The following ANXA3 variants were observed in gnomAD, a reference collection of about 807,000 sequenced individuals.
ANXA3 encodes 35-alpha calcimedin.
A neutral mutation model predicts 48.8 loss-of-function variants in ANXA3; 46 were observed. That is an observed-to-expected ratio of 0.94 (90% CI 0.74 to 1.21). The LOEUF (loss-of-function observed/expected upper bound fraction) is 1.21, where lower values mean the gene tolerates loss of function less well. ANXA3 is among the 50% of genes most tolerant of loss of function. ANXA3 has a pLI of 0.00. For synonymous variants in ANXA3, 128 were observed against 134.7 expected, an observed-to-expected ratio of 0.95 and a Z score of 0.35; for missense variants, 383 against 378.6, an observed-to-expected ratio of 1.01 and a Z score of -0.10.
intron 4 of ANXA3, among the ~76,000 whole-genome samples, chr4:78,580,468 G>C (rs781112963): frequency 2.0e-5 from 3 of 152,196 alleles, no homozygotes; most frequent in Non-Finnish European, 4.4e-5. Context: ...TCTTGGTAGG[G>C]TTTAGATTTT....
chr4:78,598,805 G>T (rs1378918549), intron 10 of ANXA3, among the ~76,000 whole-genome samples: 1 of 152,034 alleles, frequency 6.6e-6, no homozygotes. Flanking sequence ...CTCCCAAAGT[G>T]CTGGGATTAC....
At chr4:78,563,597 A>G (rs1248865399) in intron 2 of ANXA3, among the ~76,000 whole-genome samples, 1 of 152,168 alleles carries the variant, frequency 6.6e-6, no homozygotes, top group African/African-American at 2.4e-5. Flanking sequence ...TTCACTAGAC[A>G]CTGAATCTGC....
chr4:78,601,853 TGAG>T, intron 11 of ANXA3: 1 of 257,096 alleles, frequency 3.9e-6, no homozygotes, highest in Non-Finnish European at 7.3e-6. Flanking sequence ...TCTAATATGA[TGAG>T]TTTAAGTAGA....
chr4:78,554,663 G>A (rs1722473555), intron 2 of ANXA3, among the ~76,000 whole-genome samples, 175 bp downstream of exon 2: 1 of 152,166 alleles, frequency 6.6e-6, no homozygotes, highest in African/African-American at 2.4e-5. Flanking sequence ...AAAATGCATT[G>A]TAAAGTTACA....
In ANXA3 at chr4:78,595,913, G is replaced by A. The variant is rs372497670; in HGVS notation, c.634+26G>A. ...GTACAAACTCACATTACAATCCTTT[G>A]TGTTGTATGTTGTTTTTACAAATGT... On this transcript the variant is annotated intron_variant, in intron 9 of 12. Transcript: ENST00000264908. The A allele has an allele frequency of 1.7e-4, 239 of 1,408,632 alleles. 1 individual carries two copies. In the South Asian group the frequency reaches 2.5e-3, roughly 15 times the overall value. The allele number at this position is 1,408,632 out of a possible 1,614,324, so 87.3% of individuals were successfully genotyped here.
intron 2 of ANXA3, among the ~76,000 whole-genome samples, chr4:78,564,828 C>G (rs903026028): frequency 2.6e-5 from 4 of 152,018 alleles, no homozygotes; most frequent in Non-Finnish European, 4.4e-5. Context: ...GCTTGACTTT[C>G]AAAGAACTGA....
intron 2 of ANXA3, among the ~76,000 whole-genome samples, chr4:78,570,102 T>G (rs1046156683): frequency 6.6e-6 from 1 of 152,256 alleles, no homozygotes; most frequent in Non-Finnish European, 1.5e-5. Context: ...GTTTAAATAA[T>G]GGAAGCAGTT....
intron 5 of ANXA3, among the ~76,000 whole-genome samples, chr4:78,583,008 A>G (rs1336947134): frequency 6.6e-6 from 1 of 152,106 alleles, no homozygotes; most frequent in African/African-American, 2.4e-5. Flanking sequence ...GTTCCCTCAG[A>G]GAAGCAGAAC....
At chr4:78,552,213 T>C (rs1722405716) in intron 1 of ANXA3, 1 of 152,200 alleles carries the variant, frequency 6.6e-6, no homozygotes, top group African/African-American at 2.4e-5. Flanking sequence ...CACTTAGCCA[T>C]CTCGGCCTCC....
At position 78,597,305 on chromosome 4, in the gene ANXA3, G is replaced by T; in HGVS notation, c.635-14G>T. The T allele has an allele frequency of 1.3e-6, 2 of 1,543,980 alleles. No homozygotes were observed. The highest frequency in any genetic ancestry group is 2.3e-5 in the East Asian group (1 of 44,284). Reference sequence around the variant, plus strand: ...CTGCGTTGCTTTAAATAATTTTGTGGTGCTTCTTTTTAGCATTTGATGAAT... The same window carrying T: ...CTGCGTTGCTTTAAATAATTTTGTGTTGCTTCTTTTTAGCATTTGATGAAT... On this transcript the variant is annotated splice_polypyrimidine_tract_variant and intron_variant, in intron 9 of 12. Transcript: ENST00000264908.
At chr4:78,589,214 A>T (rs773426404) in intron 6 of ANXA3, among the ~76,000 whole-genome samples, 2 of 152,226 alleles carry the variant, frequency 1.3e-5, no homozygotes, top group African/African-American at 2.4e-5. Context: ...TTAAGAGCCA[A>T]GTGAAACTTT....
intron 3 of ANXA3, among the ~76,000 whole-genome samples, chr4:78,577,107 T>G (rs537037422): frequency 1.3e-5 from 2 of 152,244 alleles, no homozygotes; most frequent in Non-Finnish European, 1.5e-5. Flanking sequence ...GGTGACATGA[T>G]CAGATTGTAT....
intron 3 of ANXA3, among the ~76,000 whole-genome samples, chr4:78,578,551 C>G (rs1723009703): frequency 6.6e-6 from 1 of 152,096 alleles, no homozygotes; most frequent in East Asian, 1.9e-4. Flanking sequence ...ATCTTTAGTA[C>G]AGCGGGCCCC....
intron 7 of ANXA3, among the ~76,000 whole-genome samples, chr4:78,592,953 G>C (rs1723330625): frequency 6.6e-6 from 1 of 152,098 alleles, no homozygotes; most frequent in Non-Finnish European, 1.5e-5. Flanking sequence ...AGTCATACAA[G>C]GACCTAATGT....
At chr4:78,563,437 C>G (rs955169345) in intron 2 of ANXA3, among the ~76,000 whole-genome samples, 3 of 152,122 alleles carry the variant, frequency 2.0e-5, no homozygotes, top group Admixed American at 2.0e-4. Context: ...TCCTGACCTT[C>G]AGGATGATTG....
In ANXA3 at chr4:78,578,298, C is replaced by CGAGAGAGAGAGAGAGAGA. The variant is rs1220106430; in HGVS notation, c.104-714_104-697dup. Among the ~76,000 whole-genome samples, 180 of 46,490 alleles carry CGAGAGAGAGAGAGAGAGA rather than the reference C, an allele frequency of 3.9e-3. 11 individuals carry two copies. The highest frequency in any genetic ancestry group is 8.6e-3 in the African/African-American group (108 of 12,612). 30.5% of individuals were successfully genotyped at this position (46,490 alleles called of 152,430 possible). On this transcript the variant is annotated intron_variant, in intron 3 of 12. Coordinates refer to ENST00000264908, the MANE Select transcript of ANXA3 (RefSeq NM_005139.3). ...GAAAGGGCGAAGGGGAGAGAGAGAG[C>CGAGAGAGAGAGAGAGAGA]GAGAGAGAGAGAGAGAGAGAGAGAG...
At position 78,573,158 on chromosome 4, in the gene ANXA3, A is replaced by G. The variant is rs188170451; in HGVS notation, c.16-22A>G. On this transcript the variant is annotated intron_variant, in intron 2 of 12. Transcript: ENST00000264908. The stretch of plus-strand genomic sequence containing the variant: ...AAAGATGTCATTTTGAACCAATGGG[A>G]CTTTCAAGTATTTCCTTCTAGGTTG... The G allele has an allele frequency of 4.5e-6, 7 of 1,542,012 alleles. No individual in the cohort carries two copies. In the African/African-American group the frequency reaches 8.2e-5, roughly 18 times the overall value.
intron 4 of ANXA3, among the ~76,000 whole-genome samples, chr4:78,579,368 G>T (rs1194606106): frequency 6.6e-6 from 1 of 152,172 alleles, no homozygotes; most frequent in Non-Finnish European, 1.5e-5. Context: ...CCTTAGCCCA[G>T]TGGGTTCTAA....
intron 6 of ANXA3, among the ~76,000 whole-genome samples, chr4:78,588,378 G>A (rs1400385299): frequency 6.6e-6 from 1 of 152,094 alleles, no homozygotes; most frequent in Non-Finnish European, 1.5e-5. Context: ...GCGTGACAGA[G>A]TGAGACCTTG....
Sources: allele counts gnomAD v4.1 joint callset (sites outside exome capture counted in the v4.1 genomes callset), GRCh38; gene constraint gnomAD v4.1.1; transcripts MANE v1.5; gene names NCBI Gene and HGNC (gene_info 2026-07-23, HGNC 2026-07-21).